The following FBLN1 variants were observed in gnomAD, a reference collection of about 807,000 sequenced individuals.
The protein encoded by FBLN1 is fibulin-1.
In FBLN1, 34 loss-of-function variants were observed where a neutral mutation model predicts 89.7. The observed-to-expected ratio is 0.38, with a 90% CI of 0.29 to 0.50. The LOEUF is 0.50. FBLN1 is among the 20% of genes least tolerant of loss of function. The pLI is 0.92. For missense variants in FBLN1, 777 were observed against 988.1 expected (o/e 0.79, Z 2.86); for synonymous variants, 393 against 391.3 (o/e 1.00, Z -0.05).
chr22:45,563,367 C>G lies in FBLN1; in HGVS notation c.1698-11144C>G. 6.4e-7 allele frequency: 1 copy of G among 1,567,880 alleles called. No homozygotes were observed. The highest frequency in any genetic ancestry group is 8.6e-7 in the Non-Finnish European group (1 of 1,162,558). ...AGCAAGCGTCCCACACAGTGAGCCT[C>G]GCGTGCCTTGGTTTTATTTGGCATG... On this transcript the variant is annotated intron_variant, in intron 14 of 16. Transcript: ENST00000327858. The surrounding 1 kb of genome is among the most constrained non-coding windows in gnomAD (Gnocchi z 5.7).
At chr22:45,569,496 G>T (rs1012219737) in intron 14 of FBLN1, among the ~76,000 whole-genome samples, 1 of 152,086 alleles carries the variant, frequency 6.6e-6, no homozygotes, top group East Asian at 1.9e-4. Flanking sequence ...AAAATTAGCC[G>T]GGTGTGGTGG....
At chr22:45,507,918 G>A (rs2088045015) in intron 1 of FBLN1, among the ~76,000 whole-genome samples, 1 of 152,124 alleles carries the variant, frequency 6.6e-6, no homozygotes. Context: ...TCTTGTTTTG[G>A]CCTAGAACTC....
chr22:45,589,360 G>C (rs1011919225), intron 16 of FBLN1, among the ~76,000 whole-genome samples: 41 of 152,148 alleles, frequency 2.7e-4, no homozygotes, highest in Middle Eastern at 3.4e-3. Flanking sequence ...GCTTGACCCG[G>C]TCCTGAAATC....
At position 45,597,562 on chromosome 22, in the gene FBLN1, C is replaced by T. The variant is rs953519465; in HGVS notation, c.1973-2745C>T. Among the ~76,000 whole-genome samples, 5 of 152,174 alleles carry T rather than the reference C, an allele frequency of 3.3e-5. No individual in the cohort carries two copies. Among genetic ancestry groups the T allele is most frequent in the African/African-American group, 1.2e-4 (5 of 41,440 alleles). On this transcript the variant is annotated intron_variant, in intron 16 of 16. Transcript: ENST00000327858. The surrounding 1 kb of genome is among the most constrained non-coding windows in gnomAD (Gnocchi z 4.2). ...GCCCACGGGGGTACGTTAGGTTCAG[C>T]CCTGTAAGCCCACACTGACCCTGGT...
At chr22:45,520,282 G>T (rs1304595830) in intron 2 of FBLN1, among the ~76,000 whole-genome samples, 1 of 152,190 alleles carries the variant, frequency 6.6e-6, no homozygotes, top group African/African-American at 2.4e-5. Context: ...AAGGGGCAGG[G>T]TGGCTCAACC....
At chr22:45,523,114 G>A (rs747371885) in intron 2 of FBLN1, 67 of 776,734 alleles carry the variant, frequency 8.6e-5, no homozygotes, top group Middle Eastern at 6.8e-4. Flanking sequence ...GCCTCACTGT[G>A]CCAGGACCTG....
intron 14 of FBLN1, among the ~76,000 whole-genome samples, chr22:45,566,715 C>T (rs532783942): frequency 2.0e-5 from 3 of 152,058 alleles, no homozygotes; most frequent in Non-Finnish European, 2.9e-5. Flanking sequence ...ACTGGGTGTT[C>T]GTGTGGCTTT....
chr22:45,515,186 G>A (rs1449856778), intron 1 of FBLN1, among the ~76,000 whole-genome samples: 5 of 152,228 alleles, frequency 3.3e-5, no homozygotes, highest in Admixed American at 6.5e-5. Context: ...GTTACAGTGA[G>A]GATGATCGTC....
chr22:45,516,398 C>G (rs1004120480), intron 1 of FBLN1, among the ~76,000 whole-genome samples: 1 of 152,186 alleles, frequency 6.6e-6, no homozygotes, highest in Non-Finnish European at 1.5e-5. Flanking sequence ...GAGTGCACCA[C>G]GGCCTGTCTC....
intron 14 of FBLN1, among the ~76,000 whole-genome samples, chr22:45,554,693 A>C (rs2088755481): frequency 6.6e-6 from 1 of 152,194 alleles, no homozygotes; most frequent in Non-Finnish European, 1.5e-5. Context: ...GATGCTCCTG[A>C]CCTCAGAATC....
chr22:45,528,898 G>A (rs548577676), intron 4 of FBLN1, among the ~76,000 whole-genome samples: 1 of 152,314 alleles, frequency 6.6e-6, no homozygotes, highest in East Asian at 1.9e-4. Context: ...GGACAAATCT[G>A]TGCTCCCATC....
intron 1 of FBLN1, among the ~76,000 whole-genome samples, chr22:45,504,384 C>T (rs1313930591): frequency 1.3e-5 from 2 of 152,074 alleles, no homozygotes; most frequent in Non-Finnish European, 2.9e-5. Flanking sequence ...GTGTTGGCAC[C>T]AGGAGCCTTC....
At chr22:45,547,315 T>G in intron 12 of FBLN1, 111 bp downstream of exon 12, 10 of 1,480,384 alleles carry the variant, frequency 6.8e-6, no homozygotes, top group Non-Finnish European at 9.2e-6. Flanking sequence ...CTGGGATTTC[T>G]TCACCTGACA....
In FBLN1 at chr22:45,579,456, C is replaced by A. The variant is rs978324700; in HGVS notation, c.1972+2348C>A. Among the ~76,000 whole-genome samples, 1 of 152,232 alleles carries A rather than the reference C, an allele frequency of 6.6e-6. No individual in the cohort carries two copies. Among genetic ancestry groups the A allele is most frequent in the African/African-American group, 2.4e-5 (1 of 41,464 alleles). On this transcript the variant is annotated intron_variant, in intron 16 of 16. Transcript: ENST00000327858. The surrounding 1 kb of genome is among the most constrained non-coding windows in gnomAD (Gnocchi z 5.5). ...TGTGGATGAGGCCACAAGGACCCAG[C>A]GGCTTCCCCCGGCACAGTTGGTCAC... is the stretch of plus-strand genomic sequence containing the variant.
rs1023780822 is a variant in FBLN1, at chr22:45,532,641, G to A, written c.545-422G>A. Among the ~76,000 whole-genome samples the A allele has an allele frequency of 9.2e-5, 14 of 152,146 alleles. No homozygotes were observed. The highest frequency in any genetic ancestry group is 7.2e-4 in the Admixed American group (11 of 15,280). On this transcript the variant is annotated intron_variant, in intron 5 of 16. Transcript: ENST00000327858. The surrounding 1 kb of genome is among the most constrained non-coding windows in gnomAD (Gnocchi z 4.2). The stretch of plus-strand genomic sequence containing the variant: ...CCAGGTGGGCAGCTGCAGGAACTGA[G>A]GCCATGGTAGTGGGCTTGGAGCAGT...
At chr22:45,566,629 G>A (rs1170289592) in intron 14 of FBLN1, among the ~76,000 whole-genome samples, 2 of 152,232 alleles carry the variant, frequency 1.3e-5, no homozygotes, top group Admixed American at 6.5e-5. Flanking sequence ...GCCTGAAATA[G>A]TCCAGCAGGC....
intron 9 of FBLN1, among the ~76,000 whole-genome samples, chr22:45,541,713 C>T (rs2088558441): frequency 6.6e-6 from 1 of 152,246 alleles, no homozygotes; most frequent in African/African-American, 2.4e-5. Context: ...CCTTGTAATT[C>T]AGGCAATGTG....
chr22:45,596,627 TAATA>T (rs1396814128), intron 16 of FBLN1, among the ~76,000 whole-genome samples: 1 of 148,380 alleles, frequency 6.7e-6, no homozygotes, highest in Non-Finnish European at 1.5e-5. Flanking sequence ...ATCAACATAA[TAATA>T]TAATTATATA....
In FBLN1 at chr22:45,578,961, T is replaced by C. The variant is rs1400794722; in HGVS notation, c.1972+1853T>C. Among the ~76,000 whole-genome samples, 1 of 152,204 alleles carries C rather than the reference T, an allele frequency of 6.6e-6. No individual in the cohort carries two copies. Among genetic ancestry groups the C allele is most frequent in the Non-Finnish European group, 1.5e-5 (1 of 68,032 alleles). ...AGCAGCAGGGAGAAGCCACCCCGTA[T>C]CAGATCATCAAAATATGATGCCGAA... On this transcript the variant is annotated intron_variant, in intron 16 of 16. Coordinates refer to ENST00000327858, the MANE Select transcript of FBLN1 (RefSeq NM_006486.3). This position sits in a 1 kb window ranked among gnomAD's most constrained non-coding sequence, Gnocchi z 4.6.
Sources: gnomAD v4.1 joint callset for allele counts (sites outside exome capture counted in the v4.1 genomes callset) on GRCh38, gnomAD v4.1.1 for gene constraint, Gnocchi (gnomAD v3.1) non-coding constraint, MANE v1.5 for transcripts, NCBI Gene and HGNC (gene_info 2026-07-23, HGNC 2026-07-21) for gene names.